ANAPC10: variants seen among roughly 807,000 people sequenced by gnomAD.
ANAPC10 encodes anaphase promoting complex subunit 10.
A neutral mutation model predicts 22.0 loss-of-function variants in ANAPC10; 12 were observed. That is an observed-to-expected ratio of 0.55 (90% CI 0.35 to 0.88). The LOEUF is 0.88. Among genes scored for constraint, ANAPC10 ranks in the 40% least tolerant of loss-of-function variants. The pLI is 0.01. For missense variants in ANAPC10, 188 were observed against 220.9 expected (o/e 0.85, Z 0.94); for synonymous variants, 65 against 69.5 (o/e 0.94, Z 0.32).
chr4:145,044,735 C>T (rs1220963575), intron 4 of ANAPC10, among the ~76,000 whole-genome samples: 1 of 151,982 alleles, frequency 6.6e-6, no homozygotes, highest in Non-Finnish European at 1.5e-5. Flanking sequence ...AGCCAATTAA[C>T]CTCAGAAACA....
intron 4 of ANAPC10, chr4:145,053,801 C>G: frequency 1.6e-6 from 1 of 639,516 alleles, no homozygotes. Flanking sequence ...AAAAAGGTTC[C>G]TGACTAGGCT....
At chr4:145,088,176 C>A (rs1415773012) in intron 2 of ANAPC10, among the ~76,000 whole-genome samples, 1 of 152,182 alleles carries the variant, frequency 6.6e-6, no homozygotes. Context: ...TTCTTAGTAT[C>A]CTTTGTTGAC....
At chr4:145,056,148 A>T (rs576182103) in intron 4 of ANAPC10, among the ~76,000 whole-genome samples, 33 of 152,276 alleles carry the variant, frequency 2.2e-4, no homozygotes, top group African/African-American at 7.9e-4. Flanking sequence ...ATGCTAAGTC[A>T]CCAGATGAGA....
At chr4:145,028,090 T>A (rs1396424773) in intron 4 of ANAPC10, among the ~76,000 whole-genome samples, 1 of 152,128 alleles carries the variant, frequency 6.6e-6, no homozygotes, top group East Asian at 1.9e-4. Context: ...TGTTAGATGG[T>A]GTGATGGTTA....
chr4:145,064,703 T>C lies in ANAPC10; in HGVS notation c.207-11A>G. On this transcript the variant is annotated splice_polypyrimidine_tract_variant and intron_variant, in intron 3 of 4. Coordinates refer to ENST00000507656, the MANE Select transcript of ANAPC10 (RefSeq NM_001256706.2). Reference sequence around the variant, plus strand: ...ACTGTTGTTTTTCTTCTAAAAGCAATAAAGTAAAAATAACATGCACTTCAT... The same window carrying C: ...ACTGTTGTTTTTCTTCTAAAAGCAACAAAGTAAAAATAACATGCACTTCAT... 6.7e-7 allele frequency: 1 copy of C among 1,494,040 alleles called. No individual in the cohort carries two copies. The highest frequency in any genetic ancestry group is 1.5e-5 in the South Asian group (1 of 67,928). 92.5% of individuals were successfully genotyped at this position (1,494,040 alleles called of 1,614,324 possible).
At chr4:145,000,593 G>A (rs1483543087) in intron 4 of ANAPC10, among the ~76,000 whole-genome samples, 1 of 152,206 alleles carries the variant, frequency 6.6e-6, no homozygotes, top group Non-Finnish European at 1.5e-5. Flanking sequence ...CTTTTACACT[G>A]TTGGTGGGAC....
chr4:145,094,859 A>C (rs1315631563), intron 2 of ANAPC10, among the ~76,000 whole-genome samples: 2 of 152,302 alleles, frequency 1.3e-5, no homozygotes, highest in African/African-American at 4.8e-5. Context: ...AAAAGAAGAT[A>C]GTGAAAGAGC....
chr4:145,057,264 T>G (rs889779571), intron 4 of ANAPC10, among the ~76,000 whole-genome samples: 2 of 152,196 alleles, frequency 1.3e-5, no homozygotes, highest in Non-Finnish European at 2.9e-5. Context: ...TAAACAAGTT[T>G]TAAGAACTAC....
Position 145,060,418 on chromosome 4 carries a change from T to C in ANAPC10, c.327+4154A>G, listed in dbSNP as rs116015411. On this transcript the variant is annotated intron_variant, in intron 4 of 4. Coordinates refer to ENST00000507656, the MANE Select transcript of ANAPC10 (RefSeq NM_001256706.2). ...CTAGATACAATACATGCTTCATAAC[T>C]AAAATGAAGGAAAATAAATAGGATA... is the stretch of plus-strand genomic sequence containing the variant. Among the ~76,000 whole-genome samples the C allele has an allele frequency of 4.2e-3, 641 of 152,048 alleles. 7 individuals carry two copies. Among genetic ancestry groups the C allele is most frequent in the African/African-American group, 0.015 (606 of 41,532 alleles).
At chr4:145,021,224 G>A (rs1163300568) in intron 4 of ANAPC10, among the ~76,000 whole-genome samples, 2 of 152,024 alleles carry the variant, frequency 1.3e-5, no homozygotes, top group African/African-American at 4.8e-5. Context: ...GCCAATGCAA[G>A]ACTAAGCAAA....
chr4:145,007,152 G>C (rs941425074), intron 4 of ANAPC10, among the ~76,000 whole-genome samples: 1 of 152,050 alleles, frequency 6.6e-6, no homozygotes, highest in Admixed American at 6.6e-5. Context: ...AGTCCTTAGA[G>C]ACATACAAAG....
intron 2 of ANAPC10, among the ~76,000 whole-genome samples, chr4:145,085,586 A>G (rs1746770174): frequency 1.3e-5 from 2 of 152,152 alleles, no homozygotes; most frequent in Admixed American, 1.3e-4. Context: ...TGAATAATTT[A>G]TTCAGAATAA....
chr4:145,050,540 T>C, intron 4 of ANAPC10, among the ~76,000 whole-genome samples: 1 of 152,248 alleles, frequency 6.6e-6, no homozygotes. Context: ...TTCTCCTCTC[T>C]AATCTTAGCT....
At chr4:145,038,057 G>A (rs1738873655) in intron 4 of ANAPC10, among the ~76,000 whole-genome samples, 1 of 151,950 alleles carries the variant, frequency 6.6e-6, no homozygotes, top group Non-Finnish European at 1.5e-5. Flanking sequence ...TTTTATGACT[G>A]GGCCTGGTGG....
intron 4 of ANAPC10, among the ~76,000 whole-genome samples, chr4:145,014,219 C>A (rs1734768210): frequency 6.6e-6 from 1 of 152,062 alleles, no homozygotes; most frequent in African/African-American, 2.4e-5. Flanking sequence ...TGCCCACTGC[C>A]TGGAAACAGA....
chr4:145,031,095 A>G (rs141944441), intron 4 of ANAPC10, among the ~76,000 whole-genome samples: 15 of 152,326 alleles, frequency 9.8e-5, no homozygotes, highest in Non-Finnish European at 1.8e-4. Context: ...GCCCACCAGA[A>G]GCAATTTGCC....
rs114557116 is a variant in ANAPC10, at chr4:145,055,758, G to T, written c.327+8814C>A. 8.1e-3 allele frequency among the ~76,000 whole-genome samples: 1,225 copies of T among 152,128 alleles called. 6 individuals are homozygous for T. The highest frequency in any genetic ancestry group is 0.013 in the South Asian group (62 of 4,812). ...ACAGTGCTCACCAGGGCCTGGAGAA[G>T]GGGGAAACTGGGAGTTGTTATTTAA... On this transcript the variant is annotated intron_variant, in intron 4 of 4. Coordinates refer to ENST00000507656, the MANE Select transcript of ANAPC10 (RefSeq NM_001256706.2).
chr4:145,086,439 G>A (rs1430715709), intron 2 of ANAPC10, among the ~76,000 whole-genome samples: 1 of 152,170 alleles, frequency 6.6e-6, no homozygotes. Context: ...CTAATGCAGT[G>A]GTTCGTACAG....
intron 1 of ANAPC10, chr4:145,097,211 A>G: frequency 3.0e-6 from 1 of 329,742 alleles, no homozygotes. Flanking sequence ...CAAAAAGCAC[A>G]AAAATAAGAA....
Sources: allele counts gnomAD v4.1 joint callset (sites outside exome capture counted in the v4.1 genomes callset), GRCh38; gene constraint gnomAD v4.1.1; transcripts MANE v1.5; gene names NCBI Gene and HGNC (gene_info 2026-07-23, HGNC 2026-07-21).